Variants in STPG2 observed in about 807,000 individuals in gnomAD.
STPG2 encodes the protein sperm tail PG-rich repeat containing 2, also known as sperm-tail PG-rich repeat-containing protein 2.
Under a neutral mutation model 54.2 loss-of-function variants are expected in STPG2, and 56 were observed. The ratio of observed to expected loss-of-function variants is 1.03; its 90% CI spans 0.83 to 1.29. The LOEUF (loss-of-function observed/expected upper bound fraction) is 1.29, where lower values mean the gene tolerates loss of function less well. Ranked by LOEUF, STPG2 falls within the 50% of genes most tolerant of loss-of-function variation. The pLI is 0.00. For missense variants in STPG2, 596 were observed against 544.9 expected (o/e 1.09, Z -0.93); for synonymous variants, 200 against 181.8 (o/e 1.10, Z -0.81).
intron 4 of STPG2, among the ~76,000 whole-genome samples, chr4:97,485,447 C>A (rs1314390043): frequency 6.6e-6 from 1 of 151,610 alleles, no homozygotes; most frequent in Non-Finnish European, 1.5e-5. Flanking sequence ...AAGAACTCAA[C>A]CCCTTTTACA....
intron 10 of STPG2, among the ~76,000 whole-genome samples, chr4:97,694,712 C>T (rs1723504278): frequency 6.9e-6 from 1 of 145,882 alleles, no homozygotes; most frequent in Admixed American, 7.1e-5. Flanking sequence ...ACTCAGGAGG[C>T]TGAGGCAGGA....
At chr4:97,543,214 T>C (rs1731760016) in intron 4 of STPG2, among the ~76,000 whole-genome samples, 2 of 151,406 alleles carry the variant, frequency 1.3e-5, no homozygotes, top group South Asian at 4.1e-4. Context: ...ACTTGAGACA[T>C]AGTTGCCTGG....
intron 4 of STPG2, among the ~76,000 whole-genome samples, chr4:97,479,891 T>C (rs1274691146): frequency 6.6e-6 from 1 of 151,854 alleles, no homozygotes; most frequent in Non-Finnish European, 1.5e-5. Context: ...AGCTTATTCT[T>C]TTGTAGCAGT....
chr4:97,914,902 G>A (rs1731814838), intron 8 of STPG2, among the ~76,000 whole-genome samples: 1 of 152,080 alleles, frequency 6.6e-6, no homozygotes, highest in Non-Finnish European at 1.5e-5. Flanking sequence ...TCATATAAGT[G>A]GAATCATATA....
intron 8 of STPG2, among the ~76,000 whole-genome samples, chr4:97,867,718 C>T (rs1560563093): frequency 6.6e-6 from 1 of 152,008 alleles, no homozygotes; most frequent in South Asian, 2.1e-4. Flanking sequence ...AATATCAGTT[C>T]CCAAGCTCTT....
At chr4:97,990,485 G>A (rs1355331296) in intron 5 of STPG2, among the ~76,000 whole-genome samples, 1 of 152,074 alleles carries the variant, frequency 6.6e-6, no homozygotes, top group African/African-American at 2.4e-5. Context: ...AAGACAACCT[G>A]CATTAATATC....
chr4:97,849,724 C>T (rs547913930), intron 8 of STPG2, among the ~76,000 whole-genome samples: 9 of 151,568 alleles, frequency 5.9e-5, no homozygotes, highest in African/African-American at 9.7e-5. Flanking sequence ...CTATGAGATA[C>T]CATCTCACAC....
chr4:97,621,105 C>G (rs771610298), intron 10 of STPG2, among the ~76,000 whole-genome samples: 2 of 152,036 alleles, frequency 1.3e-5, no homozygotes, highest in Non-Finnish European at 2.9e-5. Context: ...AACAAAGATA[C>G]AACATACCAG....
At chr4:98,105,305 G>A (rs989525557) in intron 5 of STPG2, among the ~76,000 whole-genome samples, 8 of 152,084 alleles carry the variant, frequency 5.3e-5, no homozygotes, top group Non-Finnish European at 7.4e-5. Flanking sequence ...TGTCAGAAGC[G>A]GGGTCCAAAG....
At chr4:97,911,417 T>A (rs999467837) in intron 8 of STPG2, among the ~76,000 whole-genome samples, 1 of 152,102 alleles carries the variant, frequency 6.6e-6, no homozygotes, top group African/African-American at 2.4e-5. Flanking sequence ...TGGCAATAGG[T>A]TGGAGACTGC....
chr4:97,926,010 A>G (rs1732319629), intron 8 of STPG2, among the ~76,000 whole-genome samples: 2 of 152,086 alleles, frequency 1.3e-5, no homozygotes, highest in Non-Finnish European at 2.9e-5. Flanking sequence ...GCTTTCCAAT[A>G]TCCATAATTC....
At chr4:98,061,640 T>C (rs1423447973) in intron 5 of STPG2, among the ~76,000 whole-genome samples, 6 of 151,788 alleles carry the variant, frequency 4.0e-5, no homozygotes, top group Non-Finnish European at 7.4e-5. Context: ...GCAAAGTACA[T>C]GAACAGACAA....
intron 10 of STPG2, among the ~76,000 whole-genome samples, chr4:97,629,125 TA>T (rs953991290): frequency 2.5e-4 from 38 of 151,602 alleles, no homozygotes; most frequent in African/African-American, 8.0e-4. Context: ...TGCAAAGATA[TA>T]AAAAAAATTG....
chr4:97,981,953 C>T (rs1316263293), intron 5 of STPG2, among the ~76,000 whole-genome samples: 3 of 150,114 alleles, frequency 2.0e-5, no homozygotes, highest in Non-Finnish European at 4.4e-5. Context: ...GGCGCGATCT[C>T]GGCTCACTGC....
chr4:97,569,723 A>T (rs1732551041), intron 10 of STPG2, among the ~76,000 whole-genome samples: 1 of 152,164 alleles, frequency 6.6e-6, no homozygotes, highest in Admixed American at 6.6e-5. Context: ...CCATTATATT[A>T]AGGATTGGAG....
chr4:97,997,836 C>T (rs1409787591), intron 5 of STPG2, among the ~76,000 whole-genome samples: 1 of 152,062 alleles, frequency 6.6e-6, no homozygotes, highest in East Asian at 1.9e-4. Context: ...AAAAAGGGAA[C>T]AAAAGACACT....
At chr4:97,480,167 A>G (rs1181925578) in intron 4 of STPG2, among the ~76,000 whole-genome samples, 1 of 151,772 alleles carries the variant, frequency 6.6e-6, no homozygotes, top group Non-Finnish European at 1.5e-5. Flanking sequence ...AAATTATGCA[A>G]AGTTAATACA....
intron 5 of STPG2, among the ~76,000 whole-genome samples, chr4:98,039,741 G>A (rs1456986468): frequency 6.6e-6 from 1 of 150,432 alleles, no homozygotes; most frequent in Non-Finnish European, 1.5e-5. Context: ...TGGACACTTA[G>A]GTTGATTCCA....
chr4:97,895,148 T>C (rs1227511964), intron 8 of STPG2, among the ~76,000 whole-genome samples: 1 of 151,784 alleles, frequency 6.6e-6, no homozygotes, highest in African/African-American at 2.4e-5. Flanking sequence ...TAAAGTATGA[T>C]AGTGATGACA....
Sources: allele counts gnomAD v4.1 joint callset (sites outside exome capture counted in the v4.1 genomes callset), GRCh38; gene constraint gnomAD v4.1.1; transcripts MANE v1.5; gene names NCBI Gene and HGNC (gene_info 2026-07-23, HGNC 2026-07-21).